PCSK6: variants seen among roughly 807,000 people sequenced by gnomAD.
PCSK6 encodes paired basic amino acid cleaving enzyme 4.
Under a neutral mutation model 123.3 loss-of-function variants are expected in PCSK6, and 85 were observed. The observed-to-expected ratio is 0.69, with a 90% confidence interval of 0.58 to 0.83. The LOEUF (loss-of-function observed/expected upper bound fraction) is 0.83, where lower values mean the gene tolerates loss of function less well. PCSK6 is among the 40% of genes least tolerant of loss of function. PCSK6 has a pLI of 0.00. For synonymous variants in PCSK6, 508 were observed against 516.0 expected (o/e 0.98, Z 0.21); for missense variants, 1,191 against 1,282.3 (o/e 0.93, Z 1.09).
intron 5 of PCSK6, among the ~76,000 whole-genome samples, chr15:101,428,840 A>G (rs2056347971): frequency 6.6e-6 from 1 of 152,228 alleles, no homozygotes; most frequent in Non-Finnish European, 1.5e-5. Context: ...CCGGGGTCAC[A>G]GAGCTCAATG....
chr15:101,382,231 A>G (rs770177415), intron 10 of PCSK6, 22 bp from the exon 11 acceptor site: 1 of 1,553,662 alleles, frequency 6.4e-7, no homozygotes, highest in Non-Finnish European at 8.8e-7. Flanking sequence ...GGCCCTTCAG[A>G]GCCAGGCTCT....
intron 17 of PCSK6, among the ~76,000 whole-genome samples, chr15:101,323,947 A>C (rs1367847258): frequency 6.6e-6 from 1 of 152,102 alleles, no homozygotes; most frequent in Non-Finnish European, 1.5e-5. Context: ...GTGTTTGAGA[A>C]CTATCCCCTG....
At chr15:101,392,696 A>G (rs534604439) in intron 8 of PCSK6, among the ~76,000 whole-genome samples, 1 of 150,834 alleles carries the variant, frequency 6.6e-6, no homozygotes, top group East Asian at 2.0e-4. Flanking sequence ...AATCATGCTT[A>G]TGTTCACTTA....
chr15:101,358,105 C>T (rs566663012), intron 13 of PCSK6, among the ~76,000 whole-genome samples: 1 of 152,124 alleles, frequency 6.6e-6, no homozygotes, highest in East Asian at 1.9e-4. Flanking sequence ...AAGCCTGGCT[C>T]GTCACTGCTG....
chr15:101,373,300 C>T (rs1362755248), intron 11 of PCSK6, among the ~76,000 whole-genome samples: 4 of 152,184 alleles, frequency 2.6e-5, no homozygotes. Context: ...CATGCCCTTA[C>T]CTTCACCTGG....
intron 1 of PCSK6, among the ~76,000 whole-genome samples, chr15:101,480,762 G>A (rs902064325): frequency 2.0e-5 from 3 of 152,258 alleles, no homozygotes; most frequent in Non-Finnish European, 4.4e-5. Flanking sequence ...GATCAGTGTG[G>A]AGCTGACCTG....
At chr15:101,365,962 T>C (rs2041374919) in intron 13 of PCSK6, 2 of 378,300 alleles carry the variant, frequency 5.3e-6, no homozygotes, top group Non-Finnish European at 9.3e-6. Context: ...TTTGTGGGGA[T>C]GAAAACATTC....
chr15:101,380,096 G>A (rs935133003), intron 11 of PCSK6, among the ~76,000 whole-genome samples: 1 of 152,222 alleles, frequency 6.6e-6, no homozygotes, highest in African/African-American at 2.4e-5. Flanking sequence ...ACAGAAGTCT[G>A]ATTCTTCTCC....
chr15:101,340,362 A>C (rs2040573754), intron 13 of PCSK6, among the ~76,000 whole-genome samples: 2 of 152,224 alleles, frequency 1.3e-5, no homozygotes, highest in African/African-American at 2.4e-5. Flanking sequence ...GAAGAATCCT[A>C]AACAAATATC....
At chr15:101,443,514 C>G (rs1300875906) in intron 2 of PCSK6, 42 bp downstream of exon 2, 2 of 1,417,910 alleles carry the variant, frequency 1.4e-6, no homozygotes, top group African/African-American at 2.8e-5. Flanking sequence ...ACCACAGACC[C>G]AAACCCTCCA....
chr15:101,331,563 G>T, intron 15 of PCSK6, 88 bp downstream of exon 15: 1 of 1,266,618 alleles, frequency 7.9e-7, no homozygotes, highest in Non-Finnish European at 1.1e-6. Flanking sequence ...CTTACCAGGG[G>T]GCAAGACCCC....
At chr15:101,451,871 C>A (rs573118343) in intron 1 of PCSK6, among the ~76,000 whole-genome samples, 1 of 152,094 alleles carries the variant, frequency 6.6e-6, no homozygotes, top group Non-Finnish European at 1.5e-5. Context: ...CTGAAAAAAA[C>A]GTTATAAATA....
intron 6 of PCSK6, among the ~76,000 whole-genome samples, chr15:101,424,079 T>G (rs1488927082): frequency 6.6e-6 from 1 of 151,820 alleles, no homozygotes; most frequent in African/African-American, 2.4e-5. Context: ...GTGTGTGTTT[T>G]TTTTAATTAG....
chr15:101,355,788 G>A (rs1312882162), intron 13 of PCSK6, among the ~76,000 whole-genome samples: 2 of 152,224 alleles, frequency 1.3e-5, no homozygotes, highest in East Asian at 1.9e-4. Context: ...GGTGCCGAGC[G>A]GGATGTGGCC....
At chr15:101,329,185 G>A (rs990739990) in intron 15 of PCSK6, among the ~76,000 whole-genome samples, 1 of 152,138 alleles carries the variant, frequency 6.6e-6, no homozygotes, top group Non-Finnish European at 1.5e-5. Context: ...GGGTTTATTT[G>A]AAAACTCCAC....
chr15:101,478,871 C>A (rs2057797991), intron 1 of PCSK6, among the ~76,000 whole-genome samples: 1 of 152,206 alleles, frequency 6.6e-6, no homozygotes, highest in African/African-American at 2.4e-5. Flanking sequence ...GCTCACAAAC[C>A]TGCTAGAGCT....
Position 101,443,546 on chromosome 15 carries a change from C to A in PCSK6, c.402+10G>T. 1 of 1,589,630 alleles carries A rather than the reference C, an allele frequency of 6.3e-7. No homozygotes were observed. On this transcript the variant is annotated intron_variant, in intron 2 of 21. Coordinates refer to ENST00000611716, the MANE Select transcript of PCSK6 (RefSeq NM_002570.5). ...TCCAGCCCTTAGGAAAGCATCCGGA[C>A]ACTCTGTACCTGGGGGTCCATTCTG... is the stretch of plus-strand genomic sequence containing the variant.
intron 6 of PCSK6, among the ~76,000 whole-genome samples, chr15:101,416,331 A>C (rs927399498): frequency 6.6e-6 from 1 of 152,212 alleles, no homozygotes; most frequent in African/African-American, 2.4e-5. Context: ...GATGATTTAG[A>C]GTATCTGGCA....
intron 19 of PCSK6, among the ~76,000 whole-genome samples, chr15:101,317,810 G>A (rs1276491989): frequency 1.3e-5 from 2 of 152,082 alleles, no homozygotes; most frequent in South Asian, 4.2e-4. Context: ...GCATTGTTTT[G>A]GGATTTTGTT....
Sources: allele counts gnomAD v4.1 joint callset (sites outside exome capture counted in the v4.1 genomes callset), GRCh38; gene constraint gnomAD v4.1.1; transcripts MANE v1.5; gene names NCBI Gene and HGNC (gene_info 2026-07-23, HGNC 2026-07-21).